Variants in GRB10 observed in about 807,000 individuals in gnomAD.
GRB10 encodes the protein growth factor receptor-bound protein 10.
Under a neutral mutation model 80.9 loss-of-function variants are expected in GRB10, and 20 were observed. The ratio of observed to expected loss-of-function variants is 0.25; its 90% confidence interval spans 0.17 to 0.36. The LOEUF is 0.36. Ranked by LOEUF, GRB10 falls within the 10% of genes least tolerant of loss-of-function variation. The pLI, the probability that GRB10 is intolerant of heterozygous loss-of-function variation, is 1.00. For missense variants in GRB10, 548 were observed against 747.7 expected, an observed-to-expected ratio of 0.73 and a Z score of 3.12; for synonymous variants, 291 against 291.5, an observed-to-expected ratio of 1.00 and a Z score of 0.02.
intron 11 of GRB10, among the ~76,000 whole-genome samples, chr7:50,615,375 C>T (rs923029657): frequency 5.3e-5 from 8 of 152,212 alleles, no homozygotes; most frequent in Admixed American, 4.6e-4. Context: ...CACACGAGGA[C>T]AGTGAGCGGG....
chr7:50,620,949 T>C (rs2051601297), intron 8 of GRB10, among the ~76,000 whole-genome samples: 1 of 152,036 alleles, frequency 6.6e-6, no homozygotes, highest in Non-Finnish European at 1.5e-5. Context: ...TAATAACCTG[T>C]TGATGGTTGA....
intron 4 of GRB10, chr7:50,726,066 T>C (rs886782491): frequency 6.6e-6 from 1 of 152,042 alleles, no homozygotes; most frequent in African/African-American, 2.4e-5. Flanking sequence ...AAATAACACA[T>C]CCAGAATATT....
At chr7:50,760,636 T>C (rs1352663159) in intron 2 of GRB10, among the ~76,000 whole-genome samples, 4 of 152,190 alleles carry the variant, frequency 2.6e-5, no homozygotes, top group Non-Finnish European at 4.4e-5. Context: ...AAAGCAAAAG[T>C]AGTTAAAATA....
intron 2 of GRB10, among the ~76,000 whole-genome samples, chr7:50,778,428 A>C (rs1226248226): frequency 3.9e-5 from 6 of 152,224 alleles, no homozygotes; most frequent in Non-Finnish European, 5.9e-5. Flanking sequence ...TTTACTGATC[A>C]ACTAGGGCAG....
At chr7:50,707,869 G>A (rs1453783083) in intron 4 of GRB10, among the ~76,000 whole-genome samples, 1 of 152,078 alleles carries the variant, frequency 6.6e-6, no homozygotes, top group Non-Finnish European at 1.5e-5. Context: ...CCATTCCTCT[G>A]TCAGATGACT....
chr7:50,643,251 C>T (rs2056607830), intron 7 of GRB10, among the ~76,000 whole-genome samples: 1 of 152,116 alleles, frequency 6.6e-6, no homozygotes, highest in Non-Finnish European at 1.5e-5. Flanking sequence ...CCCCCATGTA[C>T]ACTGGGGAAA....
At chr7:50,663,787 C>T (rs547956212) in intron 7 of GRB10, among the ~76,000 whole-genome samples, 84 of 152,318 alleles carry the variant, frequency 5.5e-4, no homozygotes, top group African/African-American at 1.9e-3. Flanking sequence ...CCTTAGTGGA[C>T]GCCAGATCCA....
chr7:50,599,151 C>T (rs969768338), intron 17 of GRB10, among the ~76,000 whole-genome samples: 2 of 151,914 alleles, frequency 1.3e-5, no homozygotes, highest in East Asian at 1.9e-4. Context: ...CGAGTATGTG[C>T]GCGCACACGC....
intron 4 of GRB10, among the ~76,000 whole-genome samples, chr7:50,713,600 T>C (rs1390745561): frequency 1.9e-4 from 10 of 52,292 alleles, no homozygotes; most frequent in Admixed American, 4.4e-4. Context: ...TCCTCTACCA[T>C]CTCCACCATC....
chr7:50,665,726 G>C (rs568429076), intron 7 of GRB10, among the ~76,000 whole-genome samples: 4 of 152,330 alleles, frequency 2.6e-5, no homozygotes, highest in Admixed American at 2.6e-4. Flanking sequence ...ACCCAGAAGA[G>C]GAAGCAGAGC....
chr7:50,714,491 G>A (rs2066504319), intron 4 of GRB10, among the ~76,000 whole-genome samples: 1 of 152,044 alleles, frequency 6.6e-6, no homozygotes, highest in Non-Finnish European at 1.5e-5. Context: ...GTGAAACCCC[G>A]TCTCTACTAA....
At chr7:50,734,100 C>T (rs376055584) in intron 3 of GRB10, among the ~76,000 whole-genome samples, 1 of 151,980 alleles carries the variant, frequency 6.6e-6, no homozygotes, top group South Asian at 2.1e-4. Flanking sequence ...ATACACATAT[C>T]GGTTTGGGTT....
chr7:50,607,516 T>G (rs1277087693), intron 13 of GRB10, among the ~76,000 whole-genome samples: 2 of 152,282 alleles, frequency 1.3e-5, no homozygotes, highest in East Asian at 3.9e-4. Context: ...CAAGAGCAAG[T>G]AATCTTATTG....
rs767244889 is a variant in GRB10 at position 50,669,738 on chromosome 7, T to G, written c.488A>C (p.Gln163Pro). 1.2e-6 allele frequency: 2 copies of G among 1,613,316 alleles called. No individual in the cohort carries two copies. The highest frequency in any genetic ancestry group is 1.3e-5 in the African/African-American group (1 of 74,930). Residue 163 changes from glutamine to proline, a missense_variant, in exon 7 of 19, where the codon CAG (glutamine) becomes CCG (proline). Coordinates refer to ENST00000401949, the MANE Select transcript of GRB10 (RefSeq NM_001350814.2). ...VLTPGSLPPSQAAAKQDVKVF... is the reference protein window; with the variant it reads ...VLTPGSLPPSPAAAKQDVKVF... ...CACACTCACCTGCTTTGCGGCGGCC[T>G]GGCTCGGAGGTAAAGAACCCGGCGT... is the stretch of plus-strand genomic sequence containing the variant.
intron 1 of GRB10, among the ~76,000 whole-genome samples, chr7:50,791,048 G>C (rs1375212350): frequency 6.6e-6 from 1 of 152,182 alleles, no homozygotes; most frequent in Non-Finnish European, 1.5e-5. Flanking sequence ...CAAGTAGCTG[G>C]CATGAACCTG....
chr7:50,661,156 C>T (rs534095736), intron 7 of GRB10, among the ~76,000 whole-genome samples: 2 of 152,358 alleles, frequency 1.3e-5, no homozygotes, highest in East Asian at 3.9e-4. Context: ...TTCTGTGAAA[C>T]AACCTGCACT....
intron 5 of GRB10, among the ~76,000 whole-genome samples, chr7:50,675,320 C>CTCT (rs2060811488): frequency 6.6e-6 from 1 of 152,150 alleles, no homozygotes; most frequent in South Asian, 2.1e-4. Flanking sequence ...CACAATGGCA[C>CTCT]AGAGAGTAAG....
intron 12 of GRB10, among the ~76,000 whole-genome samples, chr7:50,614,270 A>C (rs1011897985): frequency 6.6e-6 from 1 of 152,216 alleles, no homozygotes; most frequent in East Asian, 1.9e-4. Flanking sequence ...GGGTATGTGC[A>C]TGTAGATGTG....
chr7:50,599,801 G>C (rs988061881), intron 17 of GRB10, among the ~76,000 whole-genome samples: 7 of 152,192 alleles, frequency 4.6e-5, no homozygotes, highest in African/African-American at 1.4e-4. Flanking sequence ...GCAAAACGCT[G>C]ACACACAATT....
Sources: allele counts gnomAD v4.1 joint callset (sites outside exome capture counted in the v4.1 genomes callset), GRCh38; gene constraint gnomAD v4.1.1; transcripts MANE v1.5; gene names NCBI Gene and HGNC (gene_info 2026-07-23, HGNC 2026-07-21).